Variants in KCNMA1 observed in about 807,000 individuals in gnomAD.
The protein encoded by KCNMA1 is Calcium-activated potassium channel subunit alpha-1.
In KCNMA1, 29 loss-of-function variants were observed where a neutral mutation model predicts 140.0. That is an observed-to-expected ratio of 0.21 (90% CI 0.15 to 0.28). The LOEUF is 0.28. KCNMA1 is among the 10% of genes least tolerant of loss of function. KCNMA1 has a pLI of 1.00. For synonymous variants in KCNMA1, 612 were observed against 611.9 expected (o/e 1.00, Z 0.00); for missense variants, 880 against 1,602.2 (o/e 0.55, Z 7.70).
At chr10:77,602,916 A>G (rs2154566590) in intron 1 of KCNMA1, among the ~76,000 whole-genome samples, 1 of 152,332 alleles carries the variant, frequency 6.6e-6, no homozygotes, top group Non-Finnish European at 1.5e-5. Context: ...TGACAAGCAC[A>G]ATGTAACCAA....
intron 2 of KCNMA1, among the ~76,000 whole-genome samples, chr10:77,397,605 A>G (rs138089326): frequency 6.6e-6 from 1 of 152,256 alleles, no homozygotes; most frequent in African/African-American, 2.4e-5. Flanking sequence ...TCTACCCCCT[A>G]TTTCTATAAA....
At chr10:77,277,326 T>C (rs1223461382) in intron 2 of KCNMA1, among the ~76,000 whole-genome samples, 2 of 152,160 alleles carry the variant, frequency 1.3e-5, no homozygotes, top group Admixed American at 1.3e-4. Flanking sequence ...GGTCAACTAA[T>C]GCAAAATGCA....
intron 1 of KCNMA1, among the ~76,000 whole-genome samples, chr10:77,556,620 C>T (rs16934995): frequency 0.02 from 2,961 of 151,760 alleles, 110 homozygotes; most frequent in African/African-American, 0.068. Flanking sequence ...CTTTCAAAAC[C>T]GTGATTATGC....
At chr10:77,031,318 C>T (rs2093923885) in intron 15 of KCNMA1, among the ~76,000 whole-genome samples, 1 of 152,188 alleles carries the variant, frequency 6.6e-6, no homozygotes, top group South Asian at 2.1e-4. Flanking sequence ...ACATTGGCAC[C>T]ACATTCCACA....
At chr10:77,127,922 C>T (rs545576199) in intron 5 of KCNMA1, among the ~76,000 whole-genome samples, 3 of 151,768 alleles carry the variant, frequency 2.0e-5, no homozygotes, top group African/African-American at 4.8e-5. Flanking sequence ...TGCAGTGAGC[C>T]GAGATCTCGC....
chr10:77,068,191 T>C (rs551273288), intron 14 of KCNMA1, among the ~76,000 whole-genome samples: 2 of 152,326 alleles, frequency 1.3e-5, no homozygotes, highest in African/African-American at 4.8e-5. Flanking sequence ...AGTTTGGGTA[T>C]GGTCATTGTG....
intron 2 of KCNMA1, among the ~76,000 whole-genome samples, chr10:77,348,267 C>A (rs1279676620): frequency 2.0e-5 from 3 of 152,160 alleles, no homozygotes; most frequent in Non-Finnish European, 4.4e-5. Context: ...TCGAGATGTA[C>A]CAAGTCTGAG....
At chr10:77,379,690 T>C (rs1281695186) in intron 2 of KCNMA1, among the ~76,000 whole-genome samples, 1 of 152,096 alleles carries the variant, frequency 6.6e-6, no homozygotes, top group Non-Finnish European at 1.5e-5. Flanking sequence ...AGACTACAGA[T>C]TTATGACTAC....
At chr10:77,346,495 T>G (rs1277804292) in intron 2 of KCNMA1, among the ~76,000 whole-genome samples, 2 of 152,328 alleles carry the variant, frequency 1.3e-5, no homozygotes, top group Non-Finnish European at 2.9e-5. Flanking sequence ...AACTGCTAAC[T>G]AGAGTTTATA....
intron 1 of KCNMA1, among the ~76,000 whole-genome samples, chr10:77,550,025 A>T (rs2062385638): frequency 6.6e-6 from 1 of 152,238 alleles, no homozygotes; most frequent in Non-Finnish European, 1.5e-5. Flanking sequence ...GGGAGCAAGA[A>T]TAAGTTGAAA....
chr10:77,406,787 G>T (rs2096486013), intron 1 of KCNMA1, among the ~76,000 whole-genome samples: 1 of 152,108 alleles, frequency 6.6e-6, no homozygotes, highest in African/African-American at 2.4e-5. Flanking sequence ...TGAGGCTCTA[G>T]TGTTTCCTTT....
intron 1 of KCNMA1, among the ~76,000 whole-genome samples, chr10:77,481,170 C>G (rs1246054956): frequency 2.0e-5 from 3 of 151,320 alleles, no homozygotes; most frequent in Non-Finnish European, 4.4e-5. Context: ...CGTGCACACA[C>G]ACACATACAC....
At chr10:77,468,926 C>T (rs1341828373) in intron 1 of KCNMA1, among the ~76,000 whole-genome samples, 2 of 152,194 alleles carry the variant, frequency 1.3e-5, no homozygotes, top group African/African-American at 4.8e-5. Flanking sequence ...CTGCATGCTT[C>T]ATCTTACTCT....
chr10:77,166,106 G>C (rs1050515536), intron 5 of KCNMA1, among the ~76,000 whole-genome samples: 3 of 152,062 alleles, frequency 2.0e-5, no homozygotes, highest in Admixed American at 1.3e-4. Flanking sequence ...GTGGAGCTGG[G>C]GCCCTTCGTC....
At chr10:77,637,024 A>C in intron 1 of KCNMA1, 1 of 1,414,944 alleles carries the variant, frequency 7.1e-7, no homozygotes, top group Non-Finnish European at 9.2e-7. Flanking sequence ...AAACAAGAGG[A>C]CAGGATTGAG....
chr10:76,995,440 C>A, intron 19 of KCNMA1: 1 of 403,876 alleles, frequency 2.5e-6, no homozygotes, highest in Non-Finnish European at 5.2e-6. Flanking sequence ...TTGACATTTG[C>A]TCCAAGCCTG....
At chr10:77,114,986 G>C (rs564369527) in intron 6 of KCNMA1, among the ~76,000 whole-genome samples, 1 of 152,304 alleles carries the variant, frequency 6.6e-6, no homozygotes, top group Admixed American at 6.5e-5. Context: ...CACAGTAATA[G>C]TTTCAGCTAG....
At chr10:76,894,206 C>T (rs2041513981) in intron 25 of KCNMA1, among the ~76,000 whole-genome samples, 1 of 152,100 alleles carries the variant, frequency 6.6e-6, no homozygotes, top group South Asian at 2.1e-4. Context: ...AGTGAGTGTG[C>T]CAAGACCATT....
chr10:76,917,288 C>T (rs2053356139), intron 23 of KCNMA1, among the ~76,000 whole-genome samples: 1 of 152,150 alleles, frequency 6.6e-6, no homozygotes. Context: ...ATTTTGACAT[C>T]CATCATCAAA....
Sources: gnomAD v4.1 joint callset for allele counts (sites outside exome capture counted in the v4.1 genomes callset) on GRCh38, gnomAD v4.1.1 for gene constraint, MANE v1.5 for transcripts, NCBI Gene and HGNC (gene_info 2026-07-23, HGNC 2026-07-21) for gene names.